Variants in CLEC4C observed in about 807,000 individuals in gnomAD.
The protein encoded by CLEC4C is C-type lectin domain family 4 member C.
In CLEC4C, 17 loss-of-function variants were observed where a neutral mutation model predicts 27.7. The ratio of observed to expected loss-of-function variants is 0.61; its 90% CI spans 0.42 to 0.92. The LOEUF (loss-of-function observed/expected upper bound fraction) is 0.92. Among genes scored for constraint, CLEC4C ranks in the 40% least tolerant of loss-of-function variants. The pLI is 0.00. For missense variants in CLEC4C, 244 were observed against 257.3 expected, an observed-to-expected ratio of 0.95 and a Z score of 0.35; for synonymous variants, 80 against 80.8, an observed-to-expected ratio of 0.99 and a Z score of 0.06.
intron 2 of CLEC4C, among the ~76,000 whole-genome samples, chr12:7,743,261 A>AT (rs1383285454): frequency 6.6e-6 from 1 of 152,214 alleles, no homozygotes; most frequent in Non-Finnish European, 1.5e-5. Flanking sequence ...CAAATTAAAT[A>AT]TAAGGTAAAA....
chr12:7,743,154 G>A (rs1223979523), intron 2 of CLEC4C, among the ~76,000 whole-genome samples: 5 of 152,118 alleles, frequency 3.3e-5, no homozygotes, highest in Admixed American at 1.3e-4. Context: ...GACTTACTAG[G>A]TAACAGCATC....
chr12:7,741,623 C>CA, intron 2 of CLEC4C, 92 bp from the exon 3 acceptor site: 1 of 731,086 alleles, frequency 1.4e-6, no homozygotes, highest in Non-Finnish European at 2.4e-6. Context: ...CACAGTGACT[C>CA]ACGCCTGTAA....
rs1462900337 is a variant in CLEC4C, at chr12:7,747,242, C to G, written c.31+76G>C. The G allele has an allele frequency of 1.5e-5, 19 of 1,294,056 alleles. No individual in the cohort carries two copies. In the Admixed American group the frequency reaches 2.2e-4, roughly 15 times the overall value. The allele number at this position is 1,294,056 out of a possible 1,614,324, so 80.2% of individuals were successfully genotyped here. ...TCTACTTCTTCTTCCAAAGTCATCCCTATCACCTCAATGCCTGTTTCCCAC... is the reference window on the plus strand; with the variant it reads ...TCTACTTCTTCTTCCAAAGTCATCCGTATCACCTCAATGCCTGTTTCCCAC... On this transcript the variant is annotated intron_variant, in intron 1 of 5. Transcript: ENST00000360345.
chr12:7,730,286 C>T (rs1264224712), intron 5 of CLEC4C, among the ~76,000 whole-genome samples: 1 of 152,114 alleles, frequency 6.6e-6, no homozygotes, highest in Non-Finnish European at 1.5e-5. Flanking sequence ...ACGTATTTGA[C>T]ATAGTTGATA....
At chr12:7,740,903 C>G (rs761995921) in intron 3 of CLEC4C, among the ~76,000 whole-genome samples, 1 of 150,762 alleles carries the variant, frequency 6.6e-6, no homozygotes. Context: ...TGCAGTGGCG[C>G]GATCTCGGCT....
upstream of CLEC4C, among the ~76,000 whole-genome samples, chr12:7,748,195 T>C (rs1030335531): frequency 2.6e-5 from 4 of 152,122 alleles, no homozygotes; most frequent in African/African-American, 4.8e-5. Flanking sequence ...TCCAGAATCT[T>C]CCCAGAGTTC....
At chr12:7,733,425 G>A (rs1864645099) in intron 4 of CLEC4C, among the ~76,000 whole-genome samples, 1 of 150,532 alleles carries the variant, frequency 6.6e-6, no homozygotes, top group Non-Finnish European at 1.5e-5. Context: ...CACCACACCT[G>A]GCTAATTTTT....
Position 7,746,377 on chromosome 12 carries a change from G to A in CLEC4C, c.78C>T (p.Val26=), listed in dbSNP as rs757117100. The A allele has an allele frequency of 2.7e-5, 43 of 1,613,828 alleles. 1 individual carries two copies. In the Middle Eastern group the frequency reaches 8.2e-4, roughly 31 times the overall value. The part of the protein sequence containing the change: ...WFQLKVWSMA[V]VSILLLSVCF... ...AGACACTGAGGAGCAAGATGGATAC[G>A]ACTGCCATGGACCAGACCTTCAACT... is the stretch of plus-strand genomic sequence containing the variant. Residue 26 remains valine, a synonymous_variant, in exon 2 of 6, where the codon GTC becomes GTT. Transcript: ENST00000360345.
chr12:7,731,850 T>A (rs758774005), intron 4 of CLEC4C, among the ~76,000 whole-genome samples: 1 of 152,068 alleles, frequency 6.6e-6, no homozygotes, highest in Non-Finnish European at 1.5e-5. Flanking sequence ...ACTACTCGAG[T>A]GGCTGAGGCA....
intron 3 of CLEC4C, 130 bp from the exon 4 acceptor site, chr12:7,737,704 C>G: frequency 1.2e-6 from 1 of 824,486 alleles, no homozygotes. Flanking sequence ...CAAAGCTGAA[C>G]TCATTTACTG....
rs1865004982 is a variant in CLEC4C at position 7,747,315 on chromosome 12, T to C, written c.31+3A>G. The C allele has an allele frequency of 1.2e-6, 2 of 1,614,054 alleles. No individual in the cohort carries two copies. The highest frequency in any genetic ancestry group is 2.2e-5 in the South Asian group (2 of 91,068). ...CCCTAGAACTGAGAAGATGAGTGCT[T>C]ACCTCGGTCTTGAGGCTCTTCTTCA... On this transcript the variant is annotated splice_donor_region_variant and intron_variant, in intron 1 of 5. Transcript: ENST00000360345.
At chr12:7,730,539 C>G (rs1483872058) in intron 5 of CLEC4C, among the ~76,000 whole-genome samples, 1 of 151,244 alleles carries the variant, frequency 6.6e-6, no homozygotes, top group Non-Finnish European at 1.5e-5. Flanking sequence ...ACTCAGGAGA[C>G]TGAGGCAGGA....
intron 5 of CLEC4C, among the ~76,000 whole-genome samples, chr12:7,730,424 T>A (rs1864569903): frequency 6.6e-6 from 1 of 152,138 alleles, no homozygotes. Context: ...GTGGATCACT[T>A]GAGGTCAGGA....
intron 4 of CLEC4C, among the ~76,000 whole-genome samples, chr12:7,737,184 T>G (rs1864746285): frequency 1.3e-5 from 2 of 152,076 alleles, no homozygotes; most frequent in Non-Finnish European, 2.9e-5. Flanking sequence ...GGAGCTGAGA[T>G]CGTGCCATTA....
chr12:7,736,043 G>A (rs973574172), intron 4 of CLEC4C, among the ~76,000 whole-genome samples: 1 of 152,114 alleles, frequency 6.6e-6, no homozygotes, highest in South Asian at 2.1e-4. Context: ...CAGAACTTTG[G>A]GAGGCCGAGG....
intron 3 of CLEC4C, among the ~76,000 whole-genome samples, chr12:7,739,143 C>T (rs1864796236): frequency 6.6e-6 from 1 of 151,516 alleles, no homozygotes; most frequent in Non-Finnish European, 1.5e-5. Flanking sequence ...GATGGCATCT[C>T]GCTCTGTCGC....
At chr12:7,737,758 C>T in intron 3 of CLEC4C, among the ~76,000 whole-genome samples, 184 bp from the exon 4 acceptor site, 1 of 152,122 alleles carries the variant, frequency 6.6e-6, no homozygotes, top group Admixed American at 6.6e-5. Flanking sequence ...ATACAGGGAC[C>T]AGCAAACTTC....
intron 4 of CLEC4C, among the ~76,000 whole-genome samples, chr12:7,733,675 G>A (rs1252804932): frequency 3.3e-5 from 5 of 151,178 alleles, no homozygotes; most frequent in Admixed American, 2.6e-4. Flanking sequence ...TAGAGACGGG[G>A]TTTCACCATA....
intron 2 of CLEC4C, among the ~76,000 whole-genome samples, chr12:7,742,329 A>G (rs1864874439): frequency 6.6e-6 from 1 of 152,026 alleles, no homozygotes; most frequent in Non-Finnish European, 1.5e-5. Context: ...CCCAGCCAAC[A>G]TGGTGAAACC....
Sources: gnomAD v4.1 joint callset for allele counts (sites outside exome capture counted in the v4.1 genomes callset) on GRCh38, gnomAD v4.1.1 for gene constraint, MANE v1.5 for transcripts, NCBI Gene and HGNC (gene_info 2026-07-23, HGNC 2026-07-21) for gene names.